Variants in PSME4 observed in about 807,000 individuals in gnomAD.
PSME4 encodes proteasome activator complex subunit 4.
A neutral mutation model predicts 253.9 loss-of-function variants in PSME4; 89 were observed. The ratio of observed to expected loss-of-function variants is 0.35; its 90% CI spans 0.30 to 0.42. The LOEUF (loss-of-function observed/expected upper bound fraction) is 0.42. PSME4 is among the 10% of genes least tolerant of loss of function. The pLI, the probability that PSME4 is intolerant of heterozygous loss-of-function variation, is 1.00. For missense variants in PSME4, 2,014 were observed against 2,195.2 expected, an observed-to-expected ratio of 0.92 and a Z score of 1.65; for synonymous variants, 851 against 759.2, an observed-to-expected ratio of 1.12 and a Z score of -1.99.
At chr2:53,932,555 G>C (rs1310808112) in intron 9 of PSME4, 113 bp downstream of exon 9, 2 of 865,904 alleles carry the variant, frequency 2.3e-6, no homozygotes, top group African/African-American at 3.4e-5. Flanking sequence ...TTTACATATA[G>C]CTAAAGCTAT....
intron 18 of PSME4, 120 bp from the exon 19 acceptor site, chr2:53,920,470 G>A: frequency 2.0e-6 from 2 of 996,678 alleles, no homozygotes; most frequent in African/African-American, 1.7e-5. Flanking sequence ...CCAAACCTAA[G>A]GTAGCAAATG....
chr2:53,893,440 GACCTAATACAATGCTTACTAATTGTATT>G (rs1401559575), intron 35 of PSME4, among the ~76,000 whole-genome samples: 1 of 152,028 alleles, frequency 6.6e-6, no homozygotes, highest in Non-Finnish European at 1.5e-5. Flanking sequence ...GTACTTTTAG[GACCTAATACAATGCTTACTAATTGTATT>G]ATATATTAAT....
intron 20 of PSME4, among the ~76,000 whole-genome samples, chr2:53,916,383 T>G (rs142040685): frequency 2.6e-4 from 39 of 152,332 alleles, no homozygotes; most frequent in South Asian, 1.4e-3. Context: ...CTCAGACATC[T>G]TAGACATTAC....
At chr2:53,873,941 G>C (rs987211031) in intron 43 of PSME4, among the ~76,000 whole-genome samples, 2 of 152,120 alleles carry the variant, frequency 1.3e-5, no homozygotes, top group African/African-American at 2.4e-5. Context: ...TACTCACATA[G>C]GGCTATGTTA....
intron 41 of PSME4, among the ~76,000 whole-genome samples, chr2:53,881,859 C>T (rs1679405963): frequency 6.6e-6 from 1 of 152,152 alleles, no homozygotes; most frequent in East Asian, 1.9e-4. Flanking sequence ...GCTGGGATTA[C>T]AGGCGTGAGC....
intron 1 of PSME4, among the ~76,000 whole-genome samples, chr2:53,954,388 C>T (rs903222091): frequency 1.3e-5 from 2 of 152,052 alleles, no homozygotes; most frequent in Admixed American, 6.6e-5. Flanking sequence ...GCCTGAAATC[C>T]CAGCATTTTG....
chr2:53,903,286 C>A (rs1680495460), intron 27 of PSME4, among the ~76,000 whole-genome samples: 1 of 149,250 alleles, frequency 6.7e-6, no homozygotes, highest in African/African-American at 2.4e-5. Context: ...TCTAACTACT[C>A]TCTCTCTCTC....
Position 53,874,379 on chromosome 2 carries a change from C to G in PSME4, c.5060G>C (p.Arg1687Thr), listed in dbSNP as rs1460578762. The G allele has an allele frequency of 5.0e-6, 8 of 1,613,816 alleles. No individual in the cohort carries two copies. Among genetic ancestry groups the G allele is most frequent in the Non-Finnish European group, 6.8e-6 (8 of 1,179,948 alleles). The change falls in exon 43 of 47, where the codon AGG becomes ACG. Residue 1687 changes from arginine to threonine, a missense_variant. Around this residue, in one of 4 missense-constraint regions of PSME4, gnomAD observed 403 missense variants for 556.1 expected, o/e 0.72. Coordinates refer to ENST00000404125, the MANE Select transcript of PSME4 (RefSeq NM_014614.3). ...LNNEDAVKDI[R>T]WLVISLLEDE... Reference sequence around the variant, plus strand: ...CTCCAAAAGACTTATAACCAGCCACCTGATATCTTTAACTGCATCTTCATT... The same window carrying G: ...CTCCAAAAGACTTATAACCAGCCACGTGATATCTTTAACTGCATCTTCATT...
chr2:53,938,572 G>A lies in PSME4; in HGVS notation c.546-1032C>T, dbSNP rs1290211383. 2.7e-5 allele frequency among the ~76,000 whole-genome samples: 4 copies of A among 150,458 alleles called. No individual in the cohort carries two copies. In the South Asian group the frequency reaches 8.3e-4, roughly 31 times the overall value. ...TGATCCTCCCACCTCAGCCTCCCAA[G>A]TAGCTGCTACTACAGGAGAGCACCA... is the stretch of plus-strand genomic sequence containing the variant. On this transcript the variant is annotated intron_variant, in intron 4 of 46. Transcript: ENST00000404125.
At chr2:53,895,523 A>G in intron 33 of PSME4, 60 bp downstream of exon 33, 2 of 1,506,624 alleles carry the variant, frequency 1.3e-6, no homozygotes, top group Non-Finnish European at 1.8e-6. Flanking sequence ...AGAAACCAAA[A>G]TATGATAAAG....
At chr2:53,912,986 T>C (rs918466063) in intron 20 of PSME4, among the ~76,000 whole-genome samples, 2 of 152,244 alleles carry the variant, frequency 1.3e-5, no homozygotes, top group African/African-American at 4.8e-5. Flanking sequence ...CTAAAAGCTA[T>C]GTTAACAATA....
chr2:53,900,207 G>A (rs1049860261), intron 28 of PSME4, among the ~76,000 whole-genome samples, 190 bp from the exon 29 acceptor site: 1 of 152,076 alleles, frequency 6.6e-6, no homozygotes, highest in Non-Finnish European at 1.5e-5. Context: ...AGGGGTTTGG[G>A]GTATGGAAGA....
Position 53,949,165 on chromosome 2 carries a change from G to A in PSME4, c.361C>T (p.Arg121Cys), listed in dbSNP as rs766078551. 1.9e-5 allele frequency: 30 copies of A among 1,600,316 alleles called. No individual in the cohort carries two copies. Among genetic ancestry groups the A allele is most frequent in the East Asian group, 4.5e-5 (2 of 44,368 alleles). Reference sequence around the variant, plus strand: ...TACTTTAACAAGTTGATCAAAAGGCGGGCAAATCCCTGCATCATGCTGATT... The same window carrying A: ...TACTTTAACAAGTTGATCAAAAGGCAGGCAAATCCCTGCATCATGCTGATT... ...LEISMMQGFA[R>C]LLINLLKKKE... Residue 121 changes from arginine (R) to cysteine (C), a missense_variant, in exon 2 of 47, where the codon CGC becomes TGC. By Grantham distance (180) the Arg-to-Cys change is radical. Coordinates refer to ENST00000404125, the MANE Select transcript of PSME4 (RefSeq NM_014614.3).
At position 53,888,639 on chromosome 2, in the gene PSME4, T is replaced by C; in HGVS notation, c.4388+82A>G. 8 of 972,146 alleles carry C rather than the reference T, an allele frequency of 8.2e-6. 1 individual carries two copies. The South Asian group carries it at 1.2e-4, about 14-fold the overall frequency. The allele number at this position is 972,146 out of a possible 1,614,324, so 60.2% of individuals were successfully genotyped here. A position where few individuals can be genotyped will look rare whatever the true frequency, so the allele number is the denominator to read the frequency against. The stretch of plus-strand genomic sequence containing the variant: ...AATTACTTCATCTAGACTTTACAAG[T>C]ATAGACCATTCATTTCCATTTATAC... On this transcript the variant is annotated intron_variant, in intron 38 of 46. Transcript: ENST00000404125.
chr2:53,905,290 A>G (rs764018638), intron 26 of PSME4, among the ~76,000 whole-genome samples: 3 of 151,970 alleles, frequency 2.0e-5, no homozygotes, highest in Non-Finnish European at 4.4e-5. Context: ...CCTCCCACCC[A>G]CAGTGTTGGG....
At chr2:53,963,331 CA>C (rs1482240453) in intron 1 of PSME4, among the ~76,000 whole-genome samples, 1 of 149,460 alleles carries the variant, frequency 6.7e-6, no homozygotes, top group African/African-American at 2.5e-5. Flanking sequence ...ACCATCTCTT[CA>C]AAAAAAAACA....
chr2:53,970,112 G>A (rs1293604057), intron 1 of PSME4, among the ~76,000 whole-genome samples: 1 of 152,168 alleles, frequency 6.6e-6, no homozygotes, highest in East Asian at 1.9e-4. Context: ...GTAGGGGAAG[G>A]AAGAACCGGA....
intron 1 of PSME4, among the ~76,000 whole-genome samples, chr2:53,963,688 A>T (rs895095266): frequency 3.3e-5 from 5 of 152,242 alleles, no homozygotes; most frequent in African/African-American, 1.2e-4. Context: ...ATTTGATTAC[A>T]GTAAACCTTA....
At chr2:53,904,942 C>G (rs561258819) in intron 26 of PSME4, among the ~76,000 whole-genome samples, 1 of 149,812 alleles carries the variant, frequency 6.7e-6, no homozygotes, top group Non-Finnish European at 1.5e-5. Flanking sequence ...GAACCAAGAT[C>G]GTGCCACTGC....
Sources: allele counts gnomAD v4.1 joint callset (sites outside exome capture counted in the v4.1 genomes callset), GRCh38; gene constraint gnomAD v4.1.1; regional missense constraint gnomAD v4.1.1; transcripts MANE v1.5; gene names NCBI Gene and HGNC (gene_info 2026-07-23, HGNC 2026-07-21).